FBXL7: variants seen among roughly 807,000 people sequenced by gnomAD.
FBXL7 encodes the protein F-box and leucine rich repeat protein 7.
In FBXL7, 12 loss-of-function variants were observed where a neutral mutation model predicts 38.3. The ratio of observed to expected loss-of-function variants is 0.31; its 90% CI spans 0.20 to 0.51. The LOEUF (loss-of-function observed/expected upper bound fraction) is 0.51. FBXL7 is among the 20% of genes least tolerant of loss of function. The pLI, the probability that FBXL7 is intolerant of heterozygous loss-of-function variation, is 0.98. For missense variants in FBXL7, 567 were observed against 676.4 expected, an observed-to-expected ratio of 0.84 and a Z score of 1.79; for synonymous variants, 297 against 300.9, an observed-to-expected ratio of 0.99 and a Z score of 0.13.
chr5:15,655,911 C>T (rs866332030), intron 2 of FBXL7, among the ~76,000 whole-genome samples: 1 of 152,212 alleles, frequency 6.6e-6, no homozygotes, highest in South Asian at 2.1e-4. Flanking sequence ...TGCTCTAGTC[C>T]TTACAAAGTA....
At chr5:15,830,691 A>G (rs1443871733) in intron 2 of FBXL7, among the ~76,000 whole-genome samples, 1 of 152,134 alleles carries the variant, frequency 6.6e-6, no homozygotes, top group East Asian at 1.9e-4. Flanking sequence ...TATTACACAT[A>G]TCTTGCATTA....
In FBXL7 at chr5:15,678,484, A is replaced by G. The variant is rs536985738; in HGVS notation, c.127+62412A>G. ...AAGATGGTGTATGTGGGTTAGCAAT[A>G]GAAAGCTGTCCTGTGAAAACAGCTG... On this transcript the variant is annotated intron_variant, in intron 2 of 3. Coordinates refer to ENST00000504595, the MANE Select transcript of FBXL7 (RefSeq NM_012304.5). Among the ~76,000 whole-genome samples the G allele has an allele frequency of 8.5e-5, 13 of 152,318 alleles. No individual in the cohort carries two copies. The South Asian group carries it at 2.7e-3, about 32-fold the overall frequency.
chr5:15,512,475 T>C (rs535499719), intron 1 of FBXL7, among the ~76,000 whole-genome samples: 6 of 152,358 alleles, frequency 3.9e-5, no homozygotes, highest in African/African-American at 1.4e-4. Context: ...CCATGATCTT[T>C]ATTGAGTCTA....
At chr5:15,572,928 G>C (rs1294507561) in intron 1 of FBXL7, among the ~76,000 whole-genome samples, 1 of 152,118 alleles carries the variant, frequency 6.6e-6, no homozygotes, top group Non-Finnish European at 1.5e-5. Flanking sequence ...TGTTGAACCA[G>C]GTTTACCCCT....
chr5:15,768,117 G>C (rs1736637364), intron 2 of FBXL7, among the ~76,000 whole-genome samples: 2 of 152,300 alleles, frequency 1.3e-5, no homozygotes, highest in Non-Finnish European at 2.9e-5. Context: ...TTTTTACACT[G>C]ATGTAGAGGG....
chr5:15,769,863 A>G (rs2126709281), intron 2 of FBXL7, among the ~76,000 whole-genome samples: 1 of 152,336 alleles, frequency 6.6e-6, no homozygotes, highest in African/African-American at 2.4e-5. Context: ...ATATTTTAAC[A>G]TTTAGGTAAG....
intron 1 of FBXL7, 89 bp from the exon 2 acceptor site, chr5:15,615,894 T>C: frequency 2.6e-6 from 2 of 766,794 alleles, no homozygotes; most frequent in Middle Eastern, 3.4e-4. Flanking sequence ...TGGAAACTGG[T>C]GATATGGCTT....
At chr5:15,644,518 G>C (rs1741468752) in intron 2 of FBXL7, among the ~76,000 whole-genome samples, 1 of 150,436 alleles carries the variant, frequency 6.6e-6, no homozygotes, top group Non-Finnish European at 1.5e-5. Context: ...ATCAAAGGTG[G>C]AACGTGGGTG....
chr5:15,646,254 G>A lies in FBXL7; in HGVS notation c.127+30182G>A, dbSNP rs948861424. Among the ~76,000 whole-genome samples, 3 of 152,170 alleles carry A rather than the reference G, an allele frequency of 2.0e-5. No individual in the cohort carries two copies. The South Asian group carries it at 6.2e-4, about 32-fold the overall frequency. ...CTTTCTGGAATTATTCTAGTTTCCA[G>A]TATGATCCTGACAATATCCTAATGA... On this transcript the variant is annotated intron_variant, in intron 2 of 3. Transcript: ENST00000504595.
rs1181726552 is a variant in FBXL7, at chr5:15,932,434, A to G, written c.739+3933A>G. ...ATGAGAGGAAGTGGTAATAAAGAGCATATTTGTGAAAGCGGAATGAAATCT... is the reference window on the plus strand; with the variant it reads ...ATGAGAGGAAGTGGTAATAAAGAGCGTATTTGTGAAAGCGGAATGAAATCT... On this transcript the variant is annotated intron_variant, in intron 3 of 3. Coordinates refer to ENST00000504595, the MANE Select transcript of FBXL7 (RefSeq NM_012304.5). Among the ~76,000 whole-genome samples, 3 of 152,224 alleles carry G rather than the reference A, an allele frequency of 2.0e-5. No individual in the cohort carries two copies. In the East Asian group the frequency reaches 5.8e-4, roughly 29 times the overall value.
In FBXL7 at chr5:15,936,781, C is replaced by T. The variant is rs1742203689; in HGVS notation, c.1071C>T (p.Ile357=). The T allele has an allele frequency of 3.1e-6, 5 of 1,611,552 alleles. No individual in the cohort carries two copies. Among genetic ancestry groups the T allele is most frequent in the Non-Finnish European group, 4.2e-6 (5 of 1,179,342 alleles). The change falls in exon 4 of 4, where the codon ATC becomes ATT. Residue 357 remains isoleucine, a synonymous_variant. Coordinates refer to ENST00000504595, the MANE Select transcript of FBXL7 (RefSeq NM_012304.5). The surrounding 1 kb of genome is among the most constrained non-coding windows in gnomAD (Gnocchi z 6.0). The stretch of plus-strand genomic sequence containing the variant: ...AGTCCCGCCTGCGGTACCTGAGCAT[C>T]GCGCACTGCGGCCGGGTCACCGACG... ...KLESRLRYLS[I]AHCGRVTDVG...
chr5:15,609,249 G>A (rs969980461), intron 1 of FBXL7, among the ~76,000 whole-genome samples: 5 of 152,264 alleles, frequency 3.3e-5, no homozygotes, highest in Admixed American at 6.5e-5. Context: ...AGGTCAAGCC[G>A]CTGCCTGCTT....
intron 2 of FBXL7, among the ~76,000 whole-genome samples, chr5:15,757,445 G>A (rs2937071): frequency 0.53 from 79,647 of 151,110 alleles, 21,224 homozygotes; most frequent in East Asian, 0.67. Context: ...TAATCTCAAA[G>A]AGAGTTATGG....
intron 2 of FBXL7, among the ~76,000 whole-genome samples, chr5:15,927,236 T>G (rs1370781920): frequency 1.3e-5 from 2 of 152,124 alleles, no homozygotes; most frequent in Non-Finnish European, 2.9e-5. Context: ...TGCACAACAG[T>G]GGCAGGGCTT....
intron 2 of FBXL7, among the ~76,000 whole-genome samples, chr5:15,802,175 C>T (rs371638697): frequency 6.6e-5 from 10 of 152,234 alleles, no homozygotes; most frequent in East Asian, 5.8e-4. Context: ...GTGACAATCA[C>T]GCTGAGAGAC....
chr5:15,812,554 T>A (rs1043960075), intron 2 of FBXL7, among the ~76,000 whole-genome samples: 2 of 152,140 alleles, frequency 1.3e-5, no homozygotes, highest in African/African-American at 4.8e-5. Context: ...TAGTTTGAAG[T>A]CAGGTAGTAT....
At chr5:15,534,088 C>A (rs1330274599) in intron 1 of FBXL7, among the ~76,000 whole-genome samples, 1 of 152,118 alleles carries the variant, frequency 6.6e-6, no homozygotes, top group African/African-American at 2.4e-5. Flanking sequence ...AGATTCTAGA[C>A]CCCATACAGG....
intron 2 of FBXL7, among the ~76,000 whole-genome samples, chr5:15,875,607 A>G (rs893792108): frequency 6.6e-6 from 1 of 152,210 alleles, no homozygotes; most frequent in African/African-American, 2.4e-5. Context: ...ATGAACAGAC[A>G]CTTTTCAAAA....
intron 2 of FBXL7, among the ~76,000 whole-genome samples, chr5:15,913,946 C>A (rs1478339045): frequency 6.6e-6 from 1 of 151,954 alleles, no homozygotes; most frequent in Non-Finnish European, 1.5e-5. Context: ...TTGGGGAGGG[C>A]AGGGGGACAG....
Sources: allele counts gnomAD v4.1 joint callset (sites outside exome capture counted in the v4.1 genomes callset), GRCh38; gene constraint gnomAD v4.1.1; non-coding constraint Gnocchi (gnomAD v3.1); transcripts MANE v1.5; gene names NCBI Gene and HGNC (gene_info 2026-07-23, HGNC 2026-07-21).